Variants in PLAC1 observed in about 807,000 individuals in gnomAD.
PLAC1 encodes the protein placenta associated 1.
For missense variants in PLAC1, 136 were observed against 163.2 expected, an observed-to-expected ratio of 0.83 and a Z score of 0.91; for synonymous variants, 68 against 62.1, an observed-to-expected ratio of 1.09 and a Z score of -0.44.
intron 2 of PLAC1, among the ~76,000 whole-genome samples, chrX:134,670,270 A>C (rs1284209235): frequency 9.0e-6 from 1 of 110,791 alleles, no homozygotes; most frequent in Non-Finnish European, 1.9e-5. Flanking sequence ...ACCTTACAGC[A>C]GAAATCCAGC....
chrX:134,567,851 G>C (rs1215386762), intron 2 of PLAC1, among the ~76,000 whole-genome samples: 1 of 109,227 alleles, frequency 9.2e-6, no homozygotes, highest in Non-Finnish European at 1.9e-5. Flanking sequence ...AGGGAGGATT[G>C]AGTTTGTACT....
chrX:134,647,494 C>G (rs1259276930), intron 1 of PLAC1, among the ~76,000 whole-genome samples: 1 of 108,104 alleles, frequency 9.3e-6, no homozygotes, highest in Non-Finnish European at 1.9e-5. Flanking sequence ...CTCTCTGACT[C>G]CAGGCTTCAG....
intron 1 of PLAC1, among the ~76,000 whole-genome samples, chrX:134,744,610 T>C (rs1171782046): frequency 1.8e-5 from 2 of 112,115 alleles, no homozygotes; most frequent in African/African-American, 6.5e-5. Flanking sequence ...ATATTGTTTT[T>C]GTCCATCGGA....
At chrX:134,603,289 A>ATATATATATATATATT (rs2078099760) in intron 1 of PLAC1, among the ~76,000 whole-genome samples, 1 of 1,243 alleles carries the variant, frequency 8.0e-4, no homozygotes, top group African/African-American at 2.3e-3. Flanking sequence ...ATATATATAT[A>ATATATATATATATATT]TATATATATA....
At chrX:134,704,604 A>G (rs2078595484) in intron 2 of PLAC1, among the ~76,000 whole-genome samples, 1 of 106,551 alleles carries the variant, frequency 9.4e-6, no homozygotes, top group Non-Finnish European at 1.9e-5. Flanking sequence ...AATAATTACA[A>G]ACATATTAAA....
At chrX:134,636,679 C>T (rs774040973) in intron 1 of PLAC1, among the ~76,000 whole-genome samples, 4 of 112,087 alleles carry the variant, frequency 3.6e-5, no homozygotes, top group Admixed American at 1.9e-4. Flanking sequence ...TTTGGGTGTT[C>T]CAAGTTCTCT....
At chrX:134,644,377 C>T (rs760848223) in intron 1 of PLAC1, among the ~76,000 whole-genome samples, 44 of 111,357 alleles carry the variant, frequency 4.0e-4, no homozygotes, top group Non-Finnish European at 9.4e-5. Flanking sequence ...CCATCATCTT[C>T]CTTCCATGTC....
At chrX:134,600,771 T>TA (rs1298549785) in intron 2 of PLAC1, 1 of 111,032 alleles carries the variant, frequency 9.0e-6, no homozygotes, top group African/African-American at 3.3e-5. Context: ...TCTTTCAAAT[T>TA]AAAAAAATTT....
Position 134,633,354 on chromosome X carries a change from G to T in PLAC1, c.-131+24974C>A, listed in dbSNP as rs752658507. ...TTTCGGTCAGACTGTCCCCAGCTTT[G>T]TCCTGACCTCCTGCAAAGGTCAGGT... On this transcript the variant is annotated intron_variant, in intron 1 of 2. Coordinates refer to ENST00000359237, the MANE Select transcript of PLAC1 (RefSeq NM_021796.4). Among the ~76,000 whole-genome samples the T allele has an allele frequency of 7.1e-5, 8 of 112,276 alleles. No individual in the cohort carries two copies. The South Asian group carries it at 2.2e-3, about 31-fold the overall frequency.
intron 2 of PLAC1, among the ~76,000 whole-genome samples, chrX:134,693,557 TAC>T (rs1467341984): frequency 8.9e-6 from 1 of 111,789 alleles, no homozygotes; most frequent in Non-Finnish European, 1.9e-5. Flanking sequence ...GCCAACGTCA[TAC>T]AGTCAGTAAG....
chrX:134,701,607 G>A (rs866074075), intron 2 of PLAC1, among the ~76,000 whole-genome samples: 1 of 111,972 alleles, frequency 8.9e-6, no homozygotes, highest in African/African-American at 3.2e-5. Flanking sequence ...AACAAATAAC[G>A]CCATTAAAAA....
intron 1 of PLAC1, among the ~76,000 whole-genome samples, chrX:134,610,524 A>T (rs2078147425): frequency 9.0e-6 from 1 of 111,629 alleles, no homozygotes; most frequent in Non-Finnish European, 1.9e-5. Flanking sequence ...GTCAACGTGG[A>T]GGGTCACTCT....
At chrX:134,574,181 C>T (rs1410354054) in intron 2 of PLAC1, among the ~76,000 whole-genome samples, 1 of 111,154 alleles carries the variant, frequency 9.0e-6, no homozygotes, top group African/African-American at 3.3e-5. Flanking sequence ...CTGTTTCTTA[C>T]TATTGCCCTG....
Position 134,651,461 on chromosome X carries a change from CAAAT to C in PLAC1, c.-131+6863_-131+6866del, listed in dbSNP as rs371562676. 3.0e-3 allele frequency: 368 copies of C among 121,063 alleles called. 1 individual carries two copies. Among genetic ancestry groups the C allele is most frequent in the African/African-American group, 0.011 (348 of 31,012 alleles). 10.0% of individuals were successfully genotyped at this position (121,063 alleles called of 1,213,427 possible). On this transcript the variant is annotated intron_variant, in intron 1 of 2. Coordinates refer to ENST00000359237, the MANE Select transcript of PLAC1 (RefSeq NM_021796.4). ...TTCACAGTAAAAACAAACAAATAAA[CAAAT>C]AAAAACAACAAAAAAATGAAACTGA...
intron 2 of PLAC1, among the ~76,000 whole-genome samples, chrX:134,676,763 C>T (rs141882903): frequency 0.015 from 1,642 of 111,150 alleles, 8 homozygotes; most frequent in Non-Finnish European, 0.022. Context: ...TTATTGGAGC[C>T]AATTTTATGT....
chrX:134,721,920 G>A (rs1314351560), intron 2 of PLAC1, among the ~76,000 whole-genome samples: 1 of 111,455 alleles, frequency 9.0e-6, no homozygotes, highest in African/African-American at 3.3e-5. Flanking sequence ...TGTTGGCAAG[G>A]GTGTGGAAGA....
intron 2 of PLAC1, among the ~76,000 whole-genome samples, chrX:134,708,676 T>C (rs1944185657): frequency 9.1e-6 from 1 of 109,317 alleles, no homozygotes; most frequent in Non-Finnish European, 1.9e-5. Flanking sequence ...GTAGCTGGGA[T>C]TACAGGCATG....
chrX:134,704,648 T>A (rs1333768959), intron 2 of PLAC1, among the ~76,000 whole-genome samples: 2 of 105,615 alleles, frequency 1.9e-5, no homozygotes, highest in Non-Finnish European at 3.8e-5. Context: ...ATATATTATA[T>A]AATATTTATA....
At chrX:134,684,429 A>C (rs867878959) in intron 2 of PLAC1, among the ~76,000 whole-genome samples, 1,316 of 86,961 alleles carry the variant, frequency 0.015, 22 homozygotes, top group African/African-American at 0.05. Flanking sequence ...AAAAAAAAAA[A>C]AAAACACTCT....
Sources: allele counts gnomAD v4.1 joint callset (sites outside exome capture counted in the v4.1 genomes callset), GRCh38; gene constraint gnomAD v4.1.1; transcripts MANE v1.5; gene names NCBI Gene and HGNC (gene_info 2026-07-23, HGNC 2026-07-21).